The following OPCML variants were observed in gnomAD, a reference collection of about 807,000 sequenced individuals.
OPCML encodes opioid binding protein/cell adhesion molecule like, also known as opioid-binding protein/cell adhesion molecule.
OPCML carries 13 observed loss-of-function variants against 37.8 expected under a neutral mutation model. The ratio of observed to expected loss-of-function variants is 0.34; its 90% CI spans 0.22 to 0.55. OPCML has a LOEUF of 0.55. OPCML is among the 20% of genes least tolerant of loss of function. OPCML has a pLI of 0.91. For synonymous variants in OPCML, 176 were observed against 168.8 expected (o/e 1.04, Z -0.33); for missense variants, 341 against 435.6 (o/e 0.78, Z 1.93).
chr11:133,154,394 T>A (rs1950027927), intron 1 of OPCML, among the ~76,000 whole-genome samples: 3 of 152,162 alleles, frequency 2.0e-5, no homozygotes, highest in African/African-American at 7.2e-5. Context: ...CCCTTACTTT[T>A]CTCAGGTCGT....
intron 3 of OPCML, among the ~76,000 whole-genome samples, chr11:132,606,857 C>A (rs559651714): frequency 3.3e-5 from 5 of 152,214 alleles, no homozygotes; most frequent in East Asian, 1.9e-4. Context: ...TGTCTCCCCC[C>A]ACCCACCGCT....
chr11:132,873,411 G>GC (rs1487314084), intron 2 of OPCML, among the ~76,000 whole-genome samples: 1 of 152,044 alleles, frequency 6.6e-6, no homozygotes, highest in Non-Finnish European at 1.5e-5. Flanking sequence ...GTGTAGGCAT[G>GC]CCCCCCAGAG....
intron 1 of OPCML, among the ~76,000 whole-genome samples, chr11:133,179,426 A>G (rs549472534): frequency 2.6e-5 from 4 of 152,188 alleles, no homozygotes; most frequent in Non-Finnish European, 5.9e-5. Context: ...GCCCAGGAAC[A>G]GCACCTGGGA....
chr11:133,227,726 A>G (rs903536298), intron 1 of OPCML, among the ~76,000 whole-genome samples: 1 of 152,172 alleles, frequency 6.6e-6, no homozygotes, highest in Non-Finnish European at 1.5e-5. Flanking sequence ...GGTGAAGGGC[A>G]TCTGCAGAGC....
intron 1 of OPCML, among the ~76,000 whole-genome samples, chr11:132,954,136 T>A (rs913824878): frequency 3.1e-5 from 4 of 127,208 alleles, no homozygotes; most frequent in African/African-American, 1.2e-4. Flanking sequence ...TTTTTGTTTG[T>A]TTTTTTGTTT....
chr11:133,026,683 A>G, intron 1 of OPCML: 1 of 670,820 alleles, frequency 1.5e-6, no homozygotes, highest in Non-Finnish European at 1.8e-6. Context: ...TCTTACGATA[A>G]GGAACCTGTG....
chr11:133,130,602 T>C (rs1321930820), intron 1 of OPCML, among the ~76,000 whole-genome samples: 2 of 152,154 alleles, frequency 1.3e-5, no homozygotes, highest in African/African-American at 4.8e-5. Flanking sequence ...CTCTAAATTC[T>C]TTAATGGAAA....
intron 3 of OPCML, among the ~76,000 whole-genome samples, chr11:132,586,168 C>A (rs574594058): frequency 1.1e-4 from 16 of 152,280 alleles, no homozygotes; most frequent in Non-Finnish European, 1.8e-4. Flanking sequence ...CTATTAACAG[C>A]TACCATAGTC....
chr11:133,247,349 A>G (rs1940961736), intron 1 of OPCML, among the ~76,000 whole-genome samples: 1 of 152,160 alleles, frequency 6.6e-6, no homozygotes, highest in Non-Finnish European at 1.5e-5. Flanking sequence ...TTAATTATAC[A>G]CCTACTATAT....
At chr11:132,619,297 A>T (rs1939249710) in intron 3 of OPCML, among the ~76,000 whole-genome samples, 1 of 152,182 alleles carries the variant, frequency 6.6e-6, no homozygotes, top group African/African-American at 2.4e-5. Context: ...TTGCATTACT[A>T]CATATATCTT....
At chr11:132,714,364 G>A (rs1211750985) in intron 2 of OPCML, among the ~76,000 whole-genome samples, 1 of 151,946 alleles carries the variant, frequency 6.6e-6, no homozygotes, top group East Asian at 1.9e-4. Flanking sequence ...TGGTCGGCCT[G>A]TAAATATGTG....
chr11:133,419,177 CAG>C lies in OPCML; in HGVS notation c.61+113085_61+113086del, dbSNP rs10546957. ...CTTCTCTACTGCAATAGCACAGTCT[CAG>C]TAAGTTGGCTTTTTCTGTGCAACGG... is the stretch of plus-strand genomic sequence containing the variant. On this transcript the variant is annotated intron_variant, in intron 1 of 7. Transcript: ENST00000524381. 17,029 of 880,406 alleles carry C rather than the reference CAG, an allele frequency of 0.019. 1,555 individuals carry two copies. In the African/African-American group the frequency reaches 0.23, roughly 12 times the overall value. 54.5% of individuals were successfully genotyped at this position (880,406 alleles called of 1,614,324 possible). A position where few individuals can be genotyped will look rare whatever the true frequency, so the allele number is the denominator to read the frequency against.
chr11:133,391,767 T>C (rs1008134797), intron 1 of OPCML, among the ~76,000 whole-genome samples: 5 of 152,204 alleles, frequency 3.3e-5, no homozygotes, highest in African/African-American at 1.2e-4. Flanking sequence ...GCTTATCACG[T>C]GTCAGACCTA....
chr11:133,179,669 G>T (rs1237100782), intron 1 of OPCML, among the ~76,000 whole-genome samples: 1 of 152,186 alleles, frequency 6.6e-6, no homozygotes, highest in South Asian at 2.1e-4. Context: ...GAGGGACTGT[G>T]ACCACTGATA....
chr11:133,099,216 T>TA (rs1468664167), intron 1 of OPCML, among the ~76,000 whole-genome samples: 1 of 151,544 alleles, frequency 6.6e-6, no homozygotes, highest in Non-Finnish European at 1.5e-5. Context: ...TGTTCATAAA[T>TA]AGAGTCAATA....
intron 4 of OPCML, among the ~76,000 whole-genome samples, chr11:132,443,451 A>G (rs2096043540): frequency 2.6e-5 from 4 of 152,196 alleles, no homozygotes; most frequent in Admixed American, 1.3e-4. Context: ...GCCCAGCAAG[A>G]GAGACTATTA....
chr11:133,279,498 G>T (rs1489385540), intron 1 of OPCML, among the ~76,000 whole-genome samples: 1 of 152,124 alleles, frequency 6.6e-6, no homozygotes, highest in Non-Finnish European at 1.5e-5. Flanking sequence ...AAGACCGTAG[G>T]CAGAATCAGT....
intron 1 of OPCML, among the ~76,000 whole-genome samples, chr11:132,944,055 ACCT>A (rs1591835025): frequency 6.6e-6 from 1 of 151,284 alleles, no homozygotes; most frequent in African/African-American, 2.4e-5. Flanking sequence ...GCCCACCTTA[ACCT>A]CCGCCGCGCC....
At chr11:132,517,431 G>A (rs764486197) in intron 4 of OPCML, among the ~76,000 whole-genome samples, 35 of 152,282 alleles carry the variant, frequency 2.3e-4, no homozygotes, top group Admixed American at 3.9e-4. Context: ...TCAACATCTG[G>A]CCAGATGAAG....
Sources: gnomAD v4.1 joint callset for allele counts (sites outside exome capture counted in the v4.1 genomes callset) on GRCh38, gnomAD v4.1.1 for gene constraint, MANE v1.5 for transcripts, NCBI Gene and HGNC (gene_info 2026-07-23, HGNC 2026-07-21) for gene names.